The following DACH2 variants were observed in gnomAD, a reference collection of about 807,000 sequenced individuals.
DACH2 encodes the protein dachshund family transcription factor 2.
A neutral mutation model predicts 35.8 loss-of-function variants in DACH2; 17 were observed. The ratio of observed to expected loss-of-function variants is 0.48; its 90% CI spans 0.33 to 0.71. DACH2 has a LOEUF of 0.71. Ranked by LOEUF, DACH2 falls within the 30% of genes least tolerant of loss-of-function variation. The pLI is 0.02. For missense variants in DACH2, 469 were observed against 472.7 expected (o/e 0.99, Z 0.07); for synonymous variants, 195 against 177.3 (o/e 1.10, Z -0.79).
chrX:86,586,191 G>T (rs1232195478), intron 3 of DACH2, among the ~76,000 whole-genome samples: 1 of 111,031 alleles, frequency 9.0e-6, no homozygotes, highest in Admixed American at 9.6e-5. Flanking sequence ...TCATATGCTT[G>T]TTGGCCACAC....
In DACH2 at chrX:86,344,282, G is replaced by T. The variant is rs989961409; in HGVS notation, c.489-32542G>T. Among the ~76,000 whole-genome samples, 21 of 105,031 alleles carry T rather than the reference G, an allele frequency of 2.0e-4. 1 individual carries two copies. 91.2% of individuals were successfully genotyped at this position (105,031 alleles called of 115,157 possible). ...CTGGAAAGAAGCAGCAAACAGCAAG[G>T]TATTAATGATGTAGACTAAATTAAA... On this transcript the variant is annotated intron_variant, in intron 1 of 11. Coordinates refer to ENST00000373125, the MANE Select transcript of DACH2 (RefSeq NM_053281.3).
intron 2 of DACH2, among the ~76,000 whole-genome samples, chrX:86,465,786 G>C (rs773277055): frequency 8.9e-6 from 1 of 111,841 alleles, no homozygotes; most frequent in East Asian, 2.8e-4. Flanking sequence ...TGTTTGTTTT[G>C]CCTATATGCC....
At chrX:86,590,988 C>T (rs1324332546) in intron 3 of DACH2, among the ~76,000 whole-genome samples, 2 of 108,973 alleles carry the variant, frequency 1.8e-5, no homozygotes, top group African/African-American at 6.7e-5. Flanking sequence ...CACCCTACAA[C>T]AGTCCCCGGT....
intron 3 of DACH2, 32 bp from the exon 4 acceptor site, chrX:86,651,004 A>G: frequency 8.9e-7 from 1 of 1,119,866 alleles, no homozygotes; most frequent in East Asian, 3.4e-5. Flanking sequence ...TAATATAAAT[A>G]AATAAATGGA....
chrX:86,660,765 A>G (rs768214824), intron 4 of DACH2, among the ~76,000 whole-genome samples: 2 of 111,611 alleles, frequency 1.8e-5, no homozygotes, highest in Non-Finnish European at 3.8e-5. Context: ...TGTATCTAAA[A>G]ATCAAAATAA....
At chrX:86,515,378 A>G (rs1419268456) in intron 3 of DACH2, among the ~76,000 whole-genome samples, 1 of 110,433 alleles carries the variant, frequency 9.1e-6, no homozygotes, top group East Asian at 2.9e-4. Flanking sequence ...TTGTAGGCTG[A>G]GCATTGGACA....
Position 86,546,357 on chromosome X carries a change from C to CTCCTCTTCTTCTTCTTCTTCTTCT in DACH2, c.640+31968_640+31969insCTCTTCTTCTTCTTCTTCTTCTTC, listed in dbSNP as rs2038959526. On this transcript the variant is annotated intron_variant, in intron 3 of 11. Transcript: ENST00000373125. ...CTTCTTCCTCTTCTTCTTCTTCTTC[C>CTCCTCTTCTTCTTCTTCTTCTTCT]TCTTCTTCTTCTTCTTCTTCTTCTT... Among the ~76,000 whole-genome samples the CTCCTCTTCTTCTTCTTCTTCTTCT allele has an allele frequency of 1.0e-4, 5 of 50,068 alleles. No homozygotes were observed. In the East Asian group the frequency reaches 2.2e-3, roughly 22 times the overall value. 43.5% of individuals were successfully genotyped at this position (50,068 alleles called of 115,157 possible). A position where few individuals can be genotyped will look rare whatever the true frequency, so the allele number is the denominator to read the frequency against.
At chrX:86,365,092 G>A (rs1296358756) in intron 1 of DACH2, among the ~76,000 whole-genome samples, 1 of 111,581 alleles carries the variant, frequency 9.0e-6, no homozygotes, top group East Asian at 2.8e-4. Flanking sequence ...ATAGGTACTT[G>A]TTTAATTCTA....
chrX:86,531,540 G>C lies in DACH2; in HGVS notation c.640+17149G>C, dbSNP rs1482197133. Reference sequence around the variant, plus strand: ...AGAGTGCAAGCCCCAAGCATTGGCAGCTTCCACATGGTGTTGGGTCTACAG... The same window carrying C: ...AGAGTGCAAGCCCCAAGCATTGGCACCTTCCACATGGTGTTGGGTCTACAG... On this transcript the variant is annotated intron_variant, in intron 3 of 11. Transcript: ENST00000373125. 9.8e-5 allele frequency among the ~76,000 whole-genome samples: 11 copies of C among 112,341 alleles called. No individual in the cohort carries two copies. The Admixed American group carries it at 1.0e-3, about 11-fold the overall frequency.
intron 7 of DACH2, among the ~76,000 whole-genome samples, chrX:86,808,373 G>A (rs937355935): frequency 2.7e-5 from 3 of 111,682 alleles, no homozygotes; most frequent in African/African-American, 6.5e-5. Flanking sequence ...AGGCTGGTAC[G>A]TCTTCATTCC....
intron 3 of DACH2, among the ~76,000 whole-genome samples, chrX:86,540,428 A>C (rs1013984943): frequency 1.8e-5 from 2 of 112,352 alleles, no homozygotes; most frequent in African/African-American, 6.5e-5. Context: ...CACATCTCAC[A>C]TTCAGATCCA....
At chrX:86,768,337 A>ATTTTC (rs1205700348) in intron 7 of DACH2, among the ~76,000 whole-genome samples, 1 of 111,422 alleles carries the variant, frequency 9.0e-6, no homozygotes, top group African/African-American at 3.3e-5. Context: ...CCTGTATTGG[A>ATTTTC]TTTTCTTTTC....
At chrX:86,524,936 T>TATGTATATG (rs764990333) in intron 3 of DACH2, among the ~76,000 whole-genome samples, 32 of 111,732 alleles carry the variant, frequency 2.9e-4, no homozygotes, top group Non-Finnish European at 3.6e-4. Flanking sequence ...AATGTCTGTA[T>TATGTATATG]ATGTATATGC....
intron 4 of DACH2, among the ~76,000 whole-genome samples, chrX:86,681,156 CA>C (rs1312119901): frequency 9.9e-5 from 11 of 111,441 alleles, no homozygotes; most frequent in Non-Finnish European, 1.7e-4. Context: ...TTCATATTAA[CA>C]AAACTGCAAC....
intron 1 of DACH2, among the ~76,000 whole-genome samples, chrX:86,342,800 T>TATAA (rs1311480109): frequency 9.2e-6 from 1 of 108,639 alleles, no homozygotes; most frequent in African/African-American, 3.4e-5. Flanking sequence ...TCTCAAGAAA[T>TATAA]ATAAATAAAT....
chrX:86,207,340 G>A (rs956416988), intron 1 of DACH2, among the ~76,000 whole-genome samples: 11 of 111,194 alleles, frequency 9.9e-5, no homozygotes, highest in African/African-American at 3.3e-4. Flanking sequence ...CAGTCTCTGT[G>A]CAAATCTATG....
At chrX:86,512,903 T>C in intron 2 of DACH2, 1 of 329,552 alleles carries the variant, frequency 3.0e-6, no homozygotes, top group Non-Finnish European at 5.9e-6. Context: ...AAATAAATTA[T>C]GGCCCAGAAT....
At chrX:86,539,492 T>C (rs958588582) in intron 3 of DACH2, among the ~76,000 whole-genome samples, 2 of 111,844 alleles carry the variant, frequency 1.8e-5, no homozygotes, top group African/African-American at 6.5e-5. Flanking sequence ...AAGAACATCA[T>C]AGGGTATTAC....
At position 86,739,862 on chromosome X, in the gene DACH2, A is replaced by T; in HGVS notation, c.1220A>T (p.Asp407Val). The T allele has an allele frequency of 8.3e-7, 1 of 1,200,717 alleles. No individual in the cohort carries two copies. The highest frequency in any genetic ancestry group is 1.1e-6 in the Non-Finnish European group (1 of 890,972). ...GTGTCCAGCTCTCCCTCTCAGATGG[A>T]TCATCATTTGGAAAGAATGGGTGAG... ...SSVSSSPSQM[D>V]HHLERMEEVP... The change falls in exon 7 of 12, where the codon GAT (aspartate) becomes GTT (valine). Residue 407 changes from aspartate to valine, a missense_variant. This residue lies in a region of DACH2 where 363 missense variants were observed against 334.4 expected (regional missense o/e 1.09). Transcript: ENST00000373125.
Sources: allele counts gnomAD v4.1 joint callset (sites outside exome capture counted in the v4.1 genomes callset), GRCh38; gene constraint gnomAD v4.1.1; regional missense constraint gnomAD v4.1.1; transcripts MANE v1.5; gene names NCBI Gene and HGNC (gene_info 2026-07-23, HGNC 2026-07-21).